Variants in TMEM117 observed in about 807,000 individuals in gnomAD.
TMEM117 encodes transmembrane protein 117.
In TMEM117, 27 loss-of-function variants were observed where a neutral mutation model predicts 52.4. That is an observed-to-expected ratio of 0.51 (90% CI 0.38 to 0.71). The LOEUF is 0.71. Ranked by LOEUF, TMEM117 falls within the 30% of genes least tolerant of loss-of-function variation. The pLI, the probability that TMEM117 is intolerant of heterozygous loss-of-function variation, is 0.00. For synonymous variants in TMEM117, 215 were observed against 206.3 expected (o/e 1.04, Z -0.36); for missense variants, 556 against 630.5 (o/e 0.88, Z 1.26).
At chr12:44,000,770 T>G in intron 3 of TMEM117, among the ~76,000 whole-genome samples, 1 of 152,190 alleles carries the variant, frequency 6.6e-6, no homozygotes, top group East Asian at 1.9e-4. Flanking sequence ...CTCTGTGACC[T>G]CTTCCCGGGT....
At chr12:43,866,097 C>T (rs1405527132) in intron 2 of TMEM117, among the ~76,000 whole-genome samples, 1 of 151,674 alleles carries the variant, frequency 6.6e-6, no homozygotes, top group African/African-American at 2.4e-5. Context: ...GATAGAAAAC[C>T]ACCAACAGTT....
At chr12:44,213,371 G>A (rs1949672305) in intron 5 of TMEM117, among the ~76,000 whole-genome samples, 1 of 152,110 alleles carries the variant, frequency 6.6e-6, no homozygotes, top group Non-Finnish European at 1.5e-5. Context: ...TGCTAAAGAA[G>A]AACATACAGT....
intron 3 of TMEM117, among the ~76,000 whole-genome samples, chr12:44,042,374 A>G (rs1438756635): frequency 6.6e-6 from 1 of 151,704 alleles, no homozygotes; most frequent in African/African-American, 2.4e-5. Flanking sequence ...AATATTATTA[A>G]GCATAGTTAT....
the TMEM117 span, among the ~76,000 whole-genome samples, chr12:43,819,782 GAGAGAA>G: frequency 5.3e-5 from 8 of 151,634 alleles, no homozygotes; most frequent in Non-Finnish European, 8.8e-5. Flanking sequence ...CAAAAAAAAA[GAGAGAA>G]AGAGAGAGAG....
chr12:44,071,104 A>T (rs924229772), intron 3 of TMEM117, among the ~76,000 whole-genome samples: 3 of 152,218 alleles, frequency 2.0e-5, no homozygotes, highest in Non-Finnish European at 4.4e-5. Context: ...TTGCATAATT[A>T]TTTTATCAAG....
intron 3 of TMEM117, among the ~76,000 whole-genome samples, chr12:43,965,440 G>A (rs946336125): frequency 6.6e-6 from 1 of 152,168 alleles, no homozygotes. Context: ...GTGCAAATTG[G>A]CTTGGATTAG....
intron 3 of TMEM117, among the ~76,000 whole-genome samples, chr12:44,049,815 G>A (rs1347876305): frequency 1.3e-5 from 2 of 152,138 alleles, no homozygotes; most frequent in Non-Finnish European, 2.9e-5. Flanking sequence ...TAAAGGGCTG[G>A]GTTAGTAATA....
At chr12:43,797,134 T>C in the TMEM117 span, 1 of 1,547,322 alleles carries the variant, frequency 6.5e-7, no homozygotes. Context: ...AATTAGCATA[T>C]CAATACATAA....
intron 2 of TMEM117, among the ~76,000 whole-genome samples, chr12:43,922,508 T>A (rs1028030635): frequency 6.6e-6 from 1 of 152,144 alleles, no homozygotes; most frequent in Non-Finnish European, 1.5e-5. Context: ...AGTGACACAT[T>A]TGGTAAATTT....
intron 4 of TMEM117, among the ~76,000 whole-genome samples, chr12:44,206,468 A>G (rs1949568618): frequency 1.3e-5 from 2 of 152,354 alleles, no homozygotes; most frequent in African/African-American, 4.8e-5. Flanking sequence ...CAGCAGGCAT[A>G]TGCCTAAAGG....
At chr12:44,035,123 G>A (rs1291890184) in intron 3 of TMEM117, among the ~76,000 whole-genome samples, 1 of 152,132 alleles carries the variant, frequency 6.6e-6, no homozygotes, top group Non-Finnish European at 1.5e-5. Flanking sequence ...GCAGATTGTG[G>A]GACTTCTCAG....
intron 2 of TMEM117, among the ~76,000 whole-genome samples, chr12:43,909,716 C>T (rs1944461054): frequency 6.6e-6 from 1 of 151,588 alleles, no homozygotes; most frequent in African/African-American, 2.4e-5. Context: ...CTACAAACAC[C>T]TCTACGCAAA....
At chr12:44,094,927 T>A (rs1243589530) in intron 3 of TMEM117, among the ~76,000 whole-genome samples, 3 of 152,156 alleles carry the variant, frequency 2.0e-5, no homozygotes, top group Admixed American at 6.6e-5. Context: ...TCTGAAAGTA[T>A]TTGGCATTGT....
At chr12:44,332,603 G>A (rs1029165796) in intron 6 of TMEM117, among the ~76,000 whole-genome samples, 2 of 151,896 alleles carry the variant, frequency 1.3e-5, no homozygotes, top group African/African-American at 4.8e-5. Context: ...CATAGAATTA[G>A]GAGAAGTATG....
intron 2 of TMEM117, among the ~76,000 whole-genome samples, chr12:43,861,232 C>A (rs1269971894): frequency 6.6e-6 from 1 of 152,108 alleles, no homozygotes; most frequent in African/African-American, 2.4e-5. Context: ...AAAGTTCTCA[C>A]TCTCAGATCC....
At chr12:43,878,552 T>C (rs1943842920) in intron 2 of TMEM117, among the ~76,000 whole-genome samples, 1 of 152,204 alleles carries the variant, frequency 6.6e-6, no homozygotes, top group East Asian at 1.9e-4. Flanking sequence ...CAGCTAAAAA[T>C]ATAGAATAAA....
chr12:44,311,963 A>G (rs2138674250), intron 6 of TMEM117, among the ~76,000 whole-genome samples: 1 of 150,172 alleles, frequency 6.7e-6, no homozygotes, highest in East Asian at 2.0e-4. Flanking sequence ...TTTGATGGCC[A>G]GGTCAATCCT....
chr12:43,923,626 A>G (rs1944730380), intron 2 of TMEM117, among the ~76,000 whole-genome samples: 1 of 152,224 alleles, frequency 6.6e-6, no homozygotes, highest in Non-Finnish European at 1.5e-5. Flanking sequence ...ATATTTGGAA[A>G]GACTTTCCTA....
At chr12:44,355,949 G>T (rs1179139294) in intron 6 of TMEM117, among the ~76,000 whole-genome samples, 1 of 152,004 alleles carries the variant, frequency 6.6e-6, no homozygotes, top group Non-Finnish European at 1.5e-5. Context: ...TAACTCAGTG[G>T]CTTTCCAGCA....
Sources: allele counts gnomAD v4.1 joint callset (sites outside exome capture counted in the v4.1 genomes callset), GRCh38; gene constraint gnomAD v4.1.1; transcripts MANE v1.5; gene names NCBI Gene and HGNC (gene_info 2026-07-23, HGNC 2026-07-21).